Variants in VRK2 observed in about 807,000 individuals in gnomAD.
VRK2 encodes the protein VRK serine/threonine kinase 2.
VRK2 carries 60 observed loss-of-function variants against 57.6 expected under a neutral mutation model. That is an observed-to-expected ratio of 1.04 (90% CI 0.85 to 1.29). The LOEUF is 1.29. Among genes scored for constraint, VRK2 ranks in the 50% most tolerant of loss-of-function variants. The pLI is 0.00. For synonymous variants in VRK2, 231 were observed against 199.2 expected (o/e 1.16, Z -1.35); for missense variants, 705 against 588.1 (o/e 1.20, Z -2.06).
intron 2 of VRK2, among the ~76,000 whole-genome samples, chr2:58,059,203 C>G (rs1676974088): frequency 6.6e-6 from 1 of 151,888 alleles, no homozygotes. Context: ...TGTACCATAC[C>G]TCAAACAATA....
At chr2:57,993,391 T>C (rs1179140878) in intron 1 of VRK2, among the ~76,000 whole-genome samples, 1 of 151,976 alleles carries the variant, frequency 6.6e-6, no homozygotes, top group African/African-American at 2.4e-5. Flanking sequence ...TACATTAGAA[T>C]TAAATTGTGC....
At chr2:58,088,278 A>G (rs1233115504) in intron 5 of VRK2, 63 bp from the exon 6 acceptor site, 1 of 1,197,520 alleles carries the variant, frequency 8.4e-7, no homozygotes, top group Non-Finnish European at 1.2e-6. Context: ...GTTTCAAATT[A>G]AATAGACAGT....
intron 1 of VRK2, among the ~76,000 whole-genome samples, chr2:57,922,306 C>T (rs1670375216): frequency 6.6e-6 from 1 of 151,844 alleles, no homozygotes; most frequent in Non-Finnish European, 1.5e-5. Context: ...TCGTCAACAT[C>T]GTCATCTTTT....
chr2:58,101,565 T>C (rs905560257), intron 7 of VRK2, among the ~76,000 whole-genome samples: 2 of 151,764 alleles, frequency 1.3e-5, no homozygotes, highest in African/African-American at 4.8e-5. Flanking sequence ...CTAATTGTAC[T>C]TAAGCTCTCT....
At chr2:58,012,497 C>T (rs1274047769) in intron 1 of VRK2, among the ~76,000 whole-genome samples, 1 of 152,176 alleles carries the variant, frequency 6.6e-6, no homozygotes, top group Non-Finnish European at 1.5e-5. Flanking sequence ...ATTTATCAGG[C>T]ATGCTTAATT....
At position 57,939,532 on chromosome 2, in the gene VRK2, A is replaced by T. The variant is rs143164308; in HGVS notation, c.-439+31693A>T. 1.4e-4 allele frequency among the ~76,000 whole-genome samples: 22 copies of T among 152,328 alleles called. No individual in the cohort carries two copies. In the East Asian group the frequency reaches 3.9e-3, roughly 27 times the overall value. On this transcript the variant is annotated intron_variant, in intron 1 of 15. Coordinates refer to the VRK2 transcript ENST00000417641. ...TTTATTCAAATAAAAAAATGAGGAC[A>T]CATGGCTGCACAGAGCACATTTCCT...
At chr2:58,017,190 C>A (rs953084829) in intron 1 of VRK2, among the ~76,000 whole-genome samples, 2 of 152,132 alleles carry the variant, frequency 1.3e-5, no homozygotes, top group African/African-American at 4.8e-5. Context: ...GTAAGCTGAG[C>A]ACCTGTCCCT....
In VRK2 at chr2:58,139,662, A is replaced by G. The variant is rs749322637; in HGVS notation, c.857-4A>G. The G allele has an allele frequency of 1.2e-6, 2 of 1,606,824 alleles. No individual in the cohort carries two copies. The highest frequency in any genetic ancestry group is 2.2e-5 in the South Asian group (2 of 89,904). ...TGACATGTAAAAAATTTAATAATTC[A>G]CAGGTGAAATAGCCCAATTTTTGGT... On this transcript the variant is annotated splice_polypyrimidine_tract_variant and splice_region_variant and intron_variant, in intron 10 of 12. Coordinates refer to ENST00000340157, the MANE Select transcript of VRK2 (RefSeq NM_006296.7).
Position 57,916,251 on chromosome 2 carries a change from A to G in VRK2, c.-439+8412A>G, listed in dbSNP as rs180719669. On this transcript the variant is annotated intron_variant, in intron 1 of 15. Transcript: ENST00000417641. ...GAGAAAACCCATCTCTACTAAAAAT[A>G]CAAAATTAGCCAAGCATGGTGGCAC... is the stretch of plus-strand genomic sequence containing the variant. Among the ~76,000 whole-genome samples, 9 of 152,112 alleles carry G rather than the reference A, an allele frequency of 5.9e-5. No homozygotes were observed. In the East Asian group the frequency reaches 1.7e-3, roughly 29 times the overall value.
intron 1 of VRK2, among the ~76,000 whole-genome samples, chr2:58,015,348 G>T (rs866066298): frequency 2.0e-5 from 3 of 152,086 alleles, no homozygotes; most frequent in Middle Eastern, 3.2e-3. Context: ...GTTTGTTCTG[G>T]AGTCAAGCAT....
chr2:57,931,355 A>G (rs1332018712), intron 1 of VRK2, among the ~76,000 whole-genome samples: 1 of 152,004 alleles, frequency 6.6e-6, no homozygotes, highest in Non-Finnish European at 1.5e-5. Flanking sequence ...TTTGATTTCA[A>G]TTTCCCTGAT....
At chr2:58,091,300 G>A (rs1672342168) in intron 7 of VRK2, among the ~76,000 whole-genome samples, 1 of 152,174 alleles carries the variant, frequency 6.6e-6, no homozygotes, top group African/African-American at 2.4e-5. Flanking sequence ...GAGACTTTGT[G>A]TGGGCTTGAG....
intron 1 of VRK2, among the ~76,000 whole-genome samples, chr2:57,925,777 G>T (rs1047533196): frequency 1.1e-4 from 16 of 149,126 alleles, no homozygotes; most frequent in Non-Finnish European, 1.5e-4. Context: ...TTTTCAATTT[G>T]GTTTGCTGTC....
At chr2:57,936,619 C>T (rs1407162152) in intron 1 of VRK2, among the ~76,000 whole-genome samples, 8 of 150,764 alleles carry the variant, frequency 5.3e-5, no homozygotes, top group Admixed American at 2.0e-4. Context: ...CTGCAACCTC[C>T]GCCTGTTTTA....
chr2:57,923,015 C>T (rs923753045), intron 1 of VRK2, among the ~76,000 whole-genome samples: 22 of 151,898 alleles, frequency 1.4e-4, no homozygotes, highest in Admixed American at 1.1e-3. Flanking sequence ...ACTTAATGTC[C>T]TCCAGTTCCA....
At chr2:57,956,785 C>T (rs1204567295) in intron 1 of VRK2, among the ~76,000 whole-genome samples, 1 of 152,120 alleles carries the variant, frequency 6.6e-6, no homozygotes, top group Non-Finnish European at 1.5e-5. Context: ...AGAAATGAAG[C>T]TTTCAGAAGA....
intron 12 of VRK2, among the ~76,000 whole-genome samples, chr2:58,152,507 G>A (rs184953484): frequency 1.4e-4 from 21 of 151,730 alleles, no homozygotes; most frequent in African/African-American, 3.9e-4. Flanking sequence ...AAAGGAAAAG[G>A]AAAAAAAGTC....
chr2:58,064,705 G>A (rs545725572), intron 2 of VRK2, among the ~76,000 whole-genome samples: 8 of 152,154 alleles, frequency 5.3e-5, no homozygotes, highest in Admixed American at 5.3e-4. Flanking sequence ...AAAAGAGTTT[G>A]AAGATAACTG....
intron 1 of VRK2, among the ~76,000 whole-genome samples, chr2:58,023,727 A>G (rs1308624780): frequency 1.3e-5 from 2 of 152,188 alleles, no homozygotes; most frequent in African/African-American, 4.8e-5. Flanking sequence ...AAAGATACAC[A>G]TTAGAAATCA....
Sources: allele counts gnomAD v4.1 joint callset (sites outside exome capture counted in the v4.1 genomes callset), GRCh38; gene constraint gnomAD v4.1.1; transcripts MANE v1.5; gene names NCBI Gene and HGNC (gene_info 2026-07-23, HGNC 2026-07-21).